GSN: variants seen among roughly 807,000 people sequenced by gnomAD.
GSN encodes gelsolin.
A neutral mutation model predicts 85.7 loss-of-function variants in GSN; 56 were observed. The observed-to-expected ratio is 0.65, with a 90% CI of 0.53 to 0.82. The LOEUF (loss-of-function observed/expected upper bound fraction) is 0.82, where lower values mean the gene tolerates loss of function less well. GSN is among the 40% of genes least tolerant of loss of function. GSN has a pLI of 0.00. For synonymous variants in GSN, 373 were observed against 399.1 expected (o/e 0.93, Z 0.78); for missense variants, 857 against 979.8 (o/e 0.87, Z 1.67).
At chr9:121,301,873 T>C (rs1036458468) in intron 2 of GSN, 90 bp from the exon 3 acceptor site, 1 of 1,602,772 alleles carries the variant, frequency 6.2e-7, no homozygotes, top group African/African-American at 1.3e-5. Context: ...AGTGAGATGC[T>C]CTTGGTGCTA....
intron 1 of GSN, among the ~76,000 whole-genome samples, chr9:121,269,135 G>T (rs920145518): frequency 1.3e-5 from 2 of 152,188 alleles, no homozygotes; most frequent in African/African-American, 4.8e-5. Flanking sequence ...AGGGTAATTG[G>T]ACTTTGTGGA....
chr9:121,332,654 C>G lies in GSN; in HGVS notation c.*51C>G. 1 of 1,488,944 alleles carries G rather than the reference C, an allele frequency of 6.7e-7. No individual in the cohort carries two copies. The highest frequency in any genetic ancestry group is 9.3e-7 in the Non-Finnish European group (1 of 1,076,216). The allele number at this position is 1,488,944 out of a possible 1,614,324, so 92.2% of individuals were successfully genotyped here. A position where few individuals can be genotyped will look rare whatever the true frequency, so the allele number is the denominator to read the frequency against. On this transcript the variant is annotated 3_prime_UTR_variant, in exon 18 of 18. Transcript: ENST00000432226. The surrounding 1 kb of genome is among the most constrained non-coding windows in gnomAD (Gnocchi z 4.8). The stretch of plus-strand genomic sequence containing the variant: ...CCGGTCAGTGCCTTTTGGAACTGTC[C>G]TTCCCTCAAAGAGGCCTTAGAGCGA...
chr9:121,213,756 G>T (rs1181686237), intron 4 of GSN, among the ~76,000 whole-genome samples: 1 of 152,146 alleles, frequency 6.6e-6, no homozygotes, highest in Non-Finnish European at 1.5e-5. Context: ...CATGGATGGG[G>T]ACACTGAGGC....
At chr9:121,300,252 C>A (rs2059686331) in intron 2 of GSN, 5 of 700,730 alleles carry the variant, frequency 7.1e-6, no homozygotes, top group Admixed American at 5.8e-5. Flanking sequence ...CTGTCCTCCT[C>A]TAACATCTTA....
At chr9:121,286,300 T>C in intron 2 of GSN, 1 of 685,492 alleles carries the variant, frequency 1.5e-6, no homozygotes, top group South Asian at 1.8e-5. Flanking sequence ...CCAGGCCCCC[T>C]GCAGAGATGA....
intron 6 of GSN, among the ~76,000 whole-genome samples, chr9:121,252,543 T>A (rs2054862858): frequency 6.6e-6 from 1 of 152,218 alleles, no homozygotes; most frequent in African/African-American, 2.4e-5. Context: ...CATGACTAGT[T>A]TCACCAATGG....
rs2064101066 is a variant in GSN at position 121,332,731 on chromosome 9, T to C, written c.*128T>C. 2 of 703,830 alleles carry C rather than the reference T, an allele frequency of 2.8e-6. No individual in the cohort carries two copies. The highest frequency in any genetic ancestry group is 4.0e-4 in the Middle Eastern group (1 of 2,480). 43.6% of individuals were successfully genotyped at this position (703,830 alleles called of 1,614,324 possible). ...GTGTGTGTGTGTGTTGTTTCTTTTTTTTTTTTTTACAGTATCCAAAAATAG... is the reference window on the plus strand; with the variant it reads ...GTGTGTGTGTGTGTTGTTTCTTTTTCTTTTTTTTACAGTATCCAAAAATAG... On this transcript the variant is annotated 3_prime_UTR_variant, in exon 18 of 18. Transcript: ENST00000432226. This position sits in a 1 kb window ranked among gnomAD's most constrained non-coding sequence, Gnocchi z 4.8.
intron 1 of GSN, chr9:121,279,963 C>T (rs562445746): frequency 2.0e-5 from 3 of 152,342 alleles, no homozygotes; most frequent in African/African-American, 7.2e-5. Flanking sequence ...CCTCTGACCT[C>T]TCTGGTTTTG....
chr9:121,258,619 G>A (rs2055017334), intron 6 of GSN, among the ~76,000 whole-genome samples: 3 of 152,062 alleles, frequency 2.0e-5, no homozygotes, highest in Admixed American at 6.6e-5. Flanking sequence ...ACTAATTAAC[G>A]TAAATTGATA....
chr9:121,220,821 C>G (rs750465641), intron 4 of GSN, among the ~76,000 whole-genome samples: 1 of 152,060 alleles, frequency 6.6e-6, no homozygotes, highest in South Asian at 2.1e-4. Context: ...AACTTAATCG[C>G]GTTGTTTTGT....
At chr9:121,213,259 C>T (rs572911290) in intron 4 of GSN, among the ~76,000 whole-genome samples, 2 of 152,214 alleles carry the variant, frequency 1.3e-5, no homozygotes, top group Non-Finnish European at 2.9e-5. Context: ...AAGCAGTCTA[C>T]ATTTTAGGAC....
Position 121,275,008 on chromosome 9 carries a change from C to T in GSN, c.-102-6462C>T, listed in dbSNP as rs148486288. 7.9e-5 allele frequency among the ~76,000 whole-genome samples: 12 copies of T among 152,312 alleles called. 1 individual carries two copies. The East Asian group carries it at 2.3e-3, about 29-fold the overall frequency. ...GCCAAATTTCTGCTCATAAAGGTTA[C>T]AGTAGTCCTTATTCCTACCAGCCAT... is the stretch of plus-strand genomic sequence containing the variant. On this transcript the variant is annotated intron_variant, in intron 1 of 17. Transcript: ENST00000432226.
At chr9:121,259,838 C>G (rs1416849735) in intron 6 of GSN, among the ~76,000 whole-genome samples, 1 of 152,192 alleles carries the variant, frequency 6.6e-6, no homozygotes, top group East Asian at 1.9e-4. Flanking sequence ...AGAGAGATCA[C>G]AGCTTGCTGC....
intron 6 of GSN, among the ~76,000 whole-genome samples, chr9:121,250,766 C>CGACCTCAT (rs1426750442): frequency 6.6e-6 from 1 of 150,882 alleles, no homozygotes; most frequent in Non-Finnish European, 1.5e-5. Context: ...CTCGAACTCC[C>CGACCTCAT]GACCTCATGA....
At chr9:121,253,556 G>A (rs547676672) in intron 6 of GSN, among the ~76,000 whole-genome samples, 1 of 152,294 alleles carries the variant, frequency 6.6e-6, no homozygotes, top group South Asian at 2.1e-4. Context: ...CACGGGACAG[G>A]TTCATCTCGA....
At chr9:121,326,852 C>A in intron 13 of GSN, 170 bp downstream of exon 13, 1 of 779,444 alleles carries the variant, frequency 1.3e-6, no homozygotes, top group East Asian at 2.4e-5. Context: ...TCTTAGACTC[C>A]CCCCTGTTTC....
intron 2 of GSN, among the ~76,000 whole-genome samples, chr9:121,292,037 CT>C (rs1214719783): frequency 2.0e-5 from 3 of 152,218 alleles, no homozygotes; most frequent in African/African-American, 7.2e-5. Flanking sequence ...GCTAGAACTA[CT>C]GGTGCATGTC....
At chr9:121,293,491 G>A (rs2058896368) in intron 2 of GSN, among the ~76,000 whole-genome samples, 1 of 151,712 alleles carries the variant, frequency 6.6e-6, no homozygotes, top group Admixed American at 6.6e-5. Flanking sequence ...GTTCACACCT[G>A]TAATCCTAGC....
At chr9:121,328,802 C>T (rs1032163869) in intron 14 of GSN, 89 bp from the exon 15 acceptor site, 116 of 1,405,756 alleles carry the variant, frequency 8.3e-5, no homozygotes, top group East Asian at 1.6e-4. Flanking sequence ...CAGTTGGTTG[C>T]GCTTGGGCAG....
Sources: gnomAD v4.1 joint callset for allele counts (sites outside exome capture counted in the v4.1 genomes callset) on GRCh38, gnomAD v4.1.1 for gene constraint, Gnocchi (gnomAD v3.1) non-coding constraint, MANE v1.5 for transcripts, NCBI Gene and HGNC (gene_info 2026-07-23, HGNC 2026-07-21) for gene names.